Variants in SSH2 observed in about 807,000 individuals in gnomAD.
SSH2 encodes slingshot protein phosphatase 2, also known as protein phosphatase Slingshot homolog 2.
Under a neutral mutation model 135.2 loss-of-function variants are expected in SSH2, and 37 were observed. The ratio of observed to expected loss-of-function variants is 0.27; its 90% CI spans 0.21 to 0.36. The LOEUF is 0.36. Ranked by LOEUF, SSH2 falls within the 10% of genes least tolerant of loss-of-function variation. The probability of loss-of-function intolerance (pLI) is 1.00; values close to 1 mark genes in which losing one functional copy is unlikely to be tolerated. For synonymous variants in SSH2, 628 were observed against 646.2 expected (o/e 0.97, Z 0.43); for missense variants, 1,408 against 1,765.3 (o/e 0.80, Z 3.63).
chr17:29,635,902 T>G (rs1266894511), intron 15 of SSH2, 66 bp downstream of exon 15: 1 of 1,224,164 alleles, frequency 8.2e-7, no homozygotes, highest in Non-Finnish European at 1.2e-6. Flanking sequence ...AAACATAACA[T>G]AATCCCAAAT....
chr17:29,691,553 C>T (rs1032616154), intron 5 of SSH2, among the ~76,000 whole-genome samples: 3 of 151,614 alleles, frequency 2.0e-5, no homozygotes, highest in African/African-American at 7.3e-5. Context: ...TGCAGTGGCA[C>T]GATCTCGGCT....
chr17:29,834,743 T>G (rs544001199), intron 2 of SSH2, among the ~76,000 whole-genome samples: 11 of 152,256 alleles, frequency 7.2e-5, no homozygotes, highest in Admixed American at 7.2e-4. Flanking sequence ...TCCATCTATA[T>G]TTTGTCACAG....
intron 3 of SSH2, chr17:29,761,139 G>T: frequency 7.8e-7 from 1 of 1,288,746 alleles, no homozygotes; most frequent in South Asian, 1.2e-5. Flanking sequence ...GAGGGCGCGC[G>T]GCGGACTCAC....
At chr17:29,784,753 A>T (rs1406560623) in intron 3 of SSH2, among the ~76,000 whole-genome samples, 2 of 152,138 alleles carry the variant, frequency 1.3e-5, no homozygotes, top group African/African-American at 4.8e-5. Context: ...TTACCTTCTT[A>T]CTTTCCTAAA....
chr17:29,849,196 C>T (rs146329293), intron 1 of SSH2, among the ~76,000 whole-genome samples: 256 of 152,252 alleles, frequency 1.7e-3, no homozygotes, highest in African/African-American at 5.7e-3. Flanking sequence ...GATGGTGCTG[C>T]TAGCCGGGCA....
intron 3 of SSH2, among the ~76,000 whole-genome samples, chr17:29,717,495 C>T (rs568029627): frequency 1.3e-5 from 2 of 152,196 alleles, no homozygotes; most frequent in Non-Finnish European, 2.9e-5. Flanking sequence ...AAAATTTGAA[C>T]ACACATGTCC....
intron 1 of SSH2, among the ~76,000 whole-genome samples, chr17:29,926,735 T>C (rs1456746490): frequency 1.3e-5 from 2 of 152,168 alleles, no homozygotes; most frequent in Non-Finnish European, 2.9e-5. Context: ...AAATCCTTCC[T>C]CAAACTGGTC....
At chr17:29,769,137 A>G (rs186701472) in intron 3 of SSH2, among the ~76,000 whole-genome samples, 88 of 152,316 alleles carry the variant, frequency 5.8e-4, no homozygotes, top group Admixed American at 5.4e-3. Context: ...TATTATCTCT[A>G]TGAGGCTCAG....
intron 3 of SSH2, among the ~76,000 whole-genome samples, chr17:29,768,129 T>C (rs924770649): frequency 6.6e-6 from 1 of 152,194 alleles, no homozygotes; most frequent in African/African-American, 2.4e-5. Flanking sequence ...ATACCCTGTC[T>C]TTTACACATT....
At chr17:29,881,434 C>T (rs1425438862) in intron 1 of SSH2, among the ~76,000 whole-genome samples, 1 of 152,010 alleles carries the variant, frequency 6.6e-6, no homozygotes, top group Non-Finnish European at 1.5e-5. Context: ...ATTTTCCCTC[C>T]TGTCTTTCTT....
At chr17:29,881,642 T>TA (rs2066139818) in intron 1 of SSH2, among the ~76,000 whole-genome samples, 1 of 152,062 alleles carries the variant, frequency 6.6e-6, no homozygotes, top group African/African-American at 2.4e-5. Flanking sequence ...GCTGGGATTA[T>TA]AGGCACCTGC....
chr17:29,772,859 C>G (rs1161757356), intron 3 of SSH2, among the ~76,000 whole-genome samples: 1 of 152,118 alleles, frequency 6.6e-6, no homozygotes, highest in Non-Finnish European at 1.5e-5. Context: ...GTCCTTAGGT[C>G]TTTGGCATTT....
intron 2 of SSH2, among the ~76,000 whole-genome samples, chr17:29,821,911 T>G (rs1251064359): frequency 6.6e-6 from 1 of 152,182 alleles, no homozygotes; most frequent in Admixed American, 6.5e-5. Context: ...CCCAAGGTGC[T>G]GGGATTACAG....
chr17:29,880,944 C>T lies in SSH2; in HGVS notation c.64-32015G>A, dbSNP rs149984337. ...GTCTTATTAATATTAAGCCTTGAGCCCAAAGGACCAAACAGCATATCCCAC... is the reference window on the plus strand; with the variant it reads ...GTCTTATTAATATTAAGCCTTGAGCTCAAAGGACCAAACAGCATATCCCAC... On this transcript the variant is annotated intron_variant, in intron 1 of 15. Transcript: ENST00000540801. 2.0e-4 allele frequency among the ~76,000 whole-genome samples: 31 copies of T among 152,156 alleles called. 1 individual carries two copies. Among genetic ancestry groups the T allele is most frequent in the African/African-American group, 7.0e-4 (29 of 41,512 alleles).
At chr17:29,658,151 G>A (rs773532501) in intron 11 of SSH2, among the ~76,000 whole-genome samples, 14 of 150,008 alleles carry the variant, frequency 9.3e-5, no homozygotes, top group Middle Eastern at 3.6e-3. Flanking sequence ...TTACAGGTGC[G>A]CACCACCACA....
At chr17:29,676,194 C>T in intron 8 of SSH2, 1 of 152,160 alleles carries the variant, frequency 6.6e-6, no homozygotes, top group Non-Finnish European at 1.5e-5. Flanking sequence ...GCCTGTAATC[C>T]CAGCACTTCG....
At chr17:29,767,901 A>T (rs748688461) in intron 3 of SSH2, among the ~76,000 whole-genome samples, 5 of 152,204 alleles carry the variant, frequency 3.3e-5, no homozygotes, top group Admixed American at 1.3e-4. Context: ...TGACAGGGAT[A>T]TTGAAAAAAA....
chr17:29,924,890 A>G (rs1253289498), intron 1 of SSH2, among the ~76,000 whole-genome samples: 1 of 152,190 alleles, frequency 6.6e-6, no homozygotes, highest in Non-Finnish European at 1.5e-5. Context: ...CAAGGTTGCA[A>G]TATAAATGAT....
chr17:29,719,751 CTTCTT>C (rs1314535285), intron 3 of SSH2, among the ~76,000 whole-genome samples: 2 of 152,022 alleles, frequency 1.3e-5, no homozygotes, highest in Non-Finnish European at 2.9e-5. Context: ...AAAATGTAGG[CTTCTT>C]TTCTTTTCTT....
Sources: gnomAD v4.1 joint callset for allele counts (sites outside exome capture counted in the v4.1 genomes callset) on GRCh38, gnomAD v4.1.1 for gene constraint, MANE v1.5 for transcripts, NCBI Gene and HGNC (gene_info 2026-07-23, HGNC 2026-07-21) for gene names.